SEMA5A: variants seen among roughly 807,000 people sequenced by gnomAD.
SEMA5A encodes the protein semaphorin-5A.
SEMA5A carries 55 observed loss-of-function variants against 135.5 expected under a neutral mutation model. The observed-to-expected ratio is 0.41, with a 90% CI of 0.33 to 0.51. The LOEUF is 0.51. Among genes scored for constraint, SEMA5A ranks in the 20% least tolerant of loss-of-function variants. SEMA5A has a pLI of 0.37. For synonymous variants in SEMA5A, 580 were observed against 546.5 expected, an observed-to-expected ratio of 1.06 and a Z score of -0.85; for missense variants, 1,290 against 1,419.9, an observed-to-expected ratio of 0.91 and a Z score of 1.47.
intron 6 of SEMA5A, 58 bp downstream of exon 6, chr5:9,237,770 T>A: frequency 6.8e-7 from 1 of 1,479,362 alleles, no homozygotes; most frequent in South Asian, 1.1e-5. Context: ...ACATGCTTTA[T>A]ATAGTGTAGA....
chr5:9,490,058 T>C (rs1163254106), intron 1 of SEMA5A, among the ~76,000 whole-genome samples: 3 of 152,310 alleles, frequency 2.0e-5, no homozygotes, highest in Non-Finnish European at 4.4e-5. Flanking sequence ...CCAAACATAC[T>C]GAATTCCTTG....
At chr5:9,324,449 T>C (rs939943078) in intron 4 of SEMA5A, among the ~76,000 whole-genome samples, 6 of 152,186 alleles carry the variant, frequency 3.9e-5, no homozygotes, top group Admixed American at 2.6e-4. Context: ...AAGAATCTGA[T>C]AAAACACAGT....
At chr5:9,528,209 G>C (rs1293894500) in intron 1 of SEMA5A, among the ~76,000 whole-genome samples, 1 of 152,144 alleles carries the variant, frequency 6.6e-6, no homozygotes, top group African/African-American at 2.4e-5. Context: ...AGAAAATGGT[G>C]TCAGCCCTCA....
chr5:9,049,946 T>C (rs769426688), intron 21 of SEMA5A, among the ~76,000 whole-genome samples: 7 of 152,230 alleles, frequency 4.6e-5, no homozygotes, highest in Non-Finnish European at 8.8e-5. Flanking sequence ...GGGTTGGAGA[T>C]TGGAAGCTAG....
intron 2 of SEMA5A, among the ~76,000 whole-genome samples, chr5:9,390,754 A>T (rs2126527152): frequency 6.6e-6 from 1 of 152,328 alleles, no homozygotes; most frequent in South Asian, 2.1e-4. Flanking sequence ...AAAAATAAGA[A>T]ATCCATCCTA....
rs10068342 is a variant in SEMA5A, at chr5:9,378,278, C to A, written c.124+1545G>T. 3.0e-3 allele frequency among the ~76,000 whole-genome samples: 452 copies of A among 152,144 alleles called. 3 individuals carry two copies. Among genetic ancestry groups the A allele is most frequent in the African/African-American group, 0.01 (426 of 41,496 alleles). On this transcript the variant is annotated intron_variant, in intron 3 of 22. Coordinates refer to ENST00000382496, the MANE Select transcript of SEMA5A (RefSeq NM_003966.3). ...GCCTTTCCTGCATAAGGTGTACCTT[C>A]AGGATACGTAAAGAGTTGATGAAGG... is the stretch of plus-strand genomic sequence containing the variant.
chr5:9,334,776 C>A (rs1753307222), intron 4 of SEMA5A, among the ~76,000 whole-genome samples: 2 of 152,120 alleles, frequency 1.3e-5, no homozygotes, highest in South Asian at 4.2e-4. Flanking sequence ...CCGGGGTCAC[C>A]AAACCTTTGG....
At chr5:9,192,587 AG>A (rs1745173964) in intron 10 of SEMA5A, among the ~76,000 whole-genome samples, 1 of 144,696 alleles carries the variant, frequency 6.9e-6, no homozygotes, top group Non-Finnish European at 1.5e-5. Context: ...TGGGGGGGGG[AG>A]GGGATGTGCT....
intron 20 of SEMA5A, among the ~76,000 whole-genome samples, chr5:9,051,665 C>A (rs190770412): frequency 5.3e-5 from 8 of 152,238 alleles, no homozygotes; most frequent in Non-Finnish European, 8.8e-5. Flanking sequence ...GACACTTTTC[C>A]TAAGAAATCT....
intron 3 of SEMA5A, among the ~76,000 whole-genome samples, chr5:9,378,782 G>T (rs987995357): frequency 6.6e-6 from 1 of 152,176 alleles, no homozygotes; most frequent in Non-Finnish European, 1.5e-5. Flanking sequence ...AAGTATTTAT[G>T]AACCCATGAA....
At position 9,038,020 on chromosome 5, in the gene SEMA5A, T is replaced by TGATAA. The variant is rs1168854356; in HGVS notation, c.*4872_*4876dup. 6.6e-6 allele frequency: 1 copy of TGATAA among 152,208 alleles called. No individual in the cohort carries two copies. The highest frequency in any genetic ancestry group is 2.4e-5 in the African/African-American group (1 of 41,450). 9.4% of individuals were successfully genotyped at this position (152,208 alleles called of 1,614,324 possible). A position where few individuals can be genotyped will look rare whatever the true frequency, so the allele number is the denominator to read the frequency against. ...AGGGGCTCAAATGGCATCTAGGGTC[T>TGATAA]GATAAGATAAGCGTAGGTAATTGCA... is the stretch of plus-strand genomic sequence containing the variant. On this transcript the variant is annotated 3_prime_UTR_variant, in exon 23 of 23. Coordinates refer to ENST00000382496, the MANE Select transcript of SEMA5A (RefSeq NM_003966.3).
intron 5 of SEMA5A, among the ~76,000 whole-genome samples, chr5:9,272,640 G>A (rs1375608278): frequency 6.6e-6 from 1 of 151,890 alleles, no homozygotes; most frequent in Admixed American, 6.6e-5. Context: ...GGGTGCCCCT[G>A]TGGGACAAAG....
rs376127604 is a variant in SEMA5A at position 9,068,831 on chromosome 5, C to T, written c.2074-2185G>A. Among the ~76,000 whole-genome samples, 6 of 152,286 alleles carry T rather than the reference C, an allele frequency of 3.9e-5. No homozygotes were observed. The East Asian group carries it at 1.2e-3, about 29-fold the overall frequency. On this transcript the variant is annotated intron_variant, in intron 16 of 22. Coordinates refer to ENST00000382496, the MANE Select transcript of SEMA5A (RefSeq NM_003966.3). Reference sequence around the variant, plus strand: ...TGATTAGATAGCAGGATCCATAGGACTCTGTGTGCAGCAGTGTTCTCAGCT... The same window carrying T: ...TGATTAGATAGCAGGATCCATAGGATTCTGTGTGCAGCAGTGTTCTCAGCT...
intron 15 of SEMA5A, among the ~76,000 whole-genome samples, chr5:9,114,455 T>C (rs909955354): frequency 6.6e-6 from 1 of 152,232 alleles, no homozygotes. Context: ...GTGGCAAATT[T>C]ATGTTTTTTT....
intron 11 of SEMA5A, among the ~76,000 whole-genome samples, chr5:9,187,169 C>T (rs1271279356): frequency 6.6e-6 from 1 of 151,846 alleles, no homozygotes; most frequent in Non-Finnish European, 1.5e-5. Context: ...TATTATTATA[C>T]CTTCCAGTAT....
At chr5:9,392,326 A>G (rs1318762142) in intron 2 of SEMA5A, among the ~76,000 whole-genome samples, 1 of 152,162 alleles carries the variant, frequency 6.6e-6, no homozygotes, top group Non-Finnish European at 1.5e-5. Flanking sequence ...AGGATCTATA[A>G]TTTTCACAGC....
chr5:9,269,963 C>G (rs1230946981), intron 5 of SEMA5A, among the ~76,000 whole-genome samples: 1 of 152,090 alleles, frequency 6.6e-6, no homozygotes, highest in African/African-American at 2.4e-5. Context: ...AAATTGGCCC[C>G]TTAGCTGGTT....
chr5:9,501,069 G>C (rs951519669), intron 1 of SEMA5A, among the ~76,000 whole-genome samples: 8 of 152,146 alleles, frequency 5.3e-5, no homozygotes, highest in African/African-American at 1.9e-4. Flanking sequence ...TTCTTACACT[G>C]ATTTTCTTGA....
chr5:9,175,567 A>G (rs1398772149), intron 11 of SEMA5A, among the ~76,000 whole-genome samples: 2 of 152,172 alleles, frequency 1.3e-5, no homozygotes, highest in African/African-American at 4.8e-5. Context: ...AACATATGGC[A>G]TCTTCCTTTT....
Sources: gnomAD v4.1 joint callset for allele counts (sites outside exome capture counted in the v4.1 genomes callset) on GRCh38, gnomAD v4.1.1 for gene constraint, MANE v1.5 for transcripts, NCBI Gene and HGNC (gene_info 2026-07-23, HGNC 2026-07-21) for gene names.